ENPP2: variants seen among roughly 807,000 people sequenced by gnomAD.
ENPP2 encodes the protein ectonucleotide pyrophosphatase/phosphodiesterase 2.
A neutral mutation model predicts 120.2 loss-of-function variants in ENPP2; 51 were observed. The observed-to-expected ratio is 0.42, with a 90% CI of 0.34 to 0.54. The LOEUF (loss-of-function observed/expected upper bound fraction) is 0.54. Among genes scored for constraint, ENPP2 ranks in the 20% least tolerant of loss-of-function variants. ENPP2 has a pLI of 0.04. For missense variants in ENPP2, 920 were observed against 1,066.5 expected (o/e 0.86, Z 1.91); for synonymous variants, 365 against 366.4 (o/e 1.00, Z 0.04).
At chr8:119,615,995 T>C (rs76267134) in intron 8 of ENPP2, among the ~76,000 whole-genome samples, 6,744 of 152,034 alleles carry the variant, frequency 0.044, 222 homozygotes, top group East Asian at 0.11. Context: ...GTATATTCTA[T>C]GTGCACATAT....
At chr8:119,618,449 C>T in intron 5 of ENPP2, 1 of 417,922 alleles carries the variant, frequency 2.4e-6, no homozygotes, top group South Asian at 1.7e-5. Flanking sequence ...AACAAAAATT[C>T]TCTTGCCTTT....
chr8:119,657,698 G>A (rs910346530), intron 1 of ENPP2, among the ~76,000 whole-genome samples: 1 of 152,210 alleles, frequency 6.6e-6, no homozygotes, highest in African/African-American at 2.4e-5. Context: ...GGACAGACAT[G>A]TGTGCCTCTT....
chr8:119,599,257 G>C (rs1814114799), intron 11 of ENPP2, among the ~76,000 whole-genome samples: 2 of 152,144 alleles, frequency 1.3e-5, no homozygotes, highest in South Asian at 4.1e-4. Flanking sequence ...ACTAAGAGTG[G>C]TTTTACGTAG....
intron 9 of ENPP2, among the ~76,000 whole-genome samples, chr8:119,603,998 C>T (rs1780095115): frequency 6.9e-6 from 1 of 145,946 alleles, no homozygotes; most frequent in Admixed American, 6.9e-5. Flanking sequence ...GTGTTCTAAC[C>T]TCTCAATCTC....
exon 1 of ENPP2, chr8:119,673,275 T>A: frequency 6.5e-7 from 1 of 1,535,272 alleles, no homozygotes; most frequent in Non-Finnish European, 8.7e-7. Context: ...CGGGTCATGC[T>A]GCGGGAGTCT....
intron 1 of ENPP2, among the ~76,000 whole-genome samples, chr8:119,664,670 G>A (rs1413206131): frequency 1.3e-5 from 2 of 152,110 alleles, no homozygotes; most frequent in East Asian, 1.9e-4. Flanking sequence ...AGCTAGGCAC[G>A]GTGGCTCACA....
At chr8:119,643,182 G>T (rs1248428658), upstream of ENPP2, among the ~76,000 whole-genome samples, 1 of 152,072 alleles carries the variant, frequency 6.6e-6, no homozygotes, top group Non-Finnish European at 1.5e-5. Flanking sequence ...TTTAAGTTTT[G>T]CTGTGGTTGA....
chr8:119,608,204 A>C (rs1814855857), intron 8 of ENPP2, among the ~76,000 whole-genome samples: 1 of 152,226 alleles, frequency 6.6e-6, no homozygotes, highest in Non-Finnish European at 1.5e-5. Flanking sequence ...TCCTGCTATG[A>C]TTCTAGTGAC....
chr8:119,653,299 G>A (rs1283908240), intron 1 of ENPP2, among the ~76,000 whole-genome samples: 1 of 152,156 alleles, frequency 6.6e-6, no homozygotes, highest in African/African-American at 2.4e-5. Flanking sequence ...CAAGCATTGA[G>A]GATGCAGCCT....
chr8:119,574,497 T>C (rs1812199842), intron 19 of ENPP2, among the ~76,000 whole-genome samples: 2 of 151,934 alleles, frequency 1.3e-5, no homozygotes, highest in South Asian at 2.1e-4. Context: ...TCTCTGGCAG[T>C]TTTGGTACAT....
chr8:119,661,076 A>G (rs1587587755), intron 1 of ENPP2, among the ~76,000 whole-genome samples: 1 of 152,276 alleles, frequency 6.6e-6, no homozygotes, highest in East Asian at 1.9e-4. Flanking sequence ...ACAGAAAACC[A>G]AACACCGCAT....
chr8:119,649,854 C>A (rs1258723263), intron 1 of ENPP2, among the ~76,000 whole-genome samples: 2 of 152,146 alleles, frequency 1.3e-5, no homozygotes, highest in East Asian at 3.9e-4. Flanking sequence ...TGTGAGATAC[C>A]ACTTTACCCC....
At chr8:119,672,168 T>C (rs1818270391) in intron 1 of ENPP2, among the ~76,000 whole-genome samples, 1 of 152,088 alleles carries the variant, frequency 6.6e-6, no homozygotes, top group Admixed American at 6.5e-5. Context: ...TGCCACCCAC[T>C]CTTTCAAGGA....
chr8:119,570,947 A>C (rs1205486033), intron 19 of ENPP2, 106 bp from the exon 20 acceptor site: 3 of 611,564 alleles, frequency 4.9e-6, no homozygotes, highest in Admixed American at 3.8e-5. Flanking sequence ...TAGCTTACTT[A>C]TTATTAATAT....
intron 1 of ENPP2, among the ~76,000 whole-genome samples, chr8:119,646,011 C>T (rs1817436613): frequency 6.6e-6 from 1 of 151,532 alleles, no homozygotes; most frequent in South Asian, 2.1e-4. Flanking sequence ...TCTTGTTGCC[C>T]AGGCTGGAGC....
At chr8:119,568,115 G>A (rs969143402) in intron 22 of ENPP2, 60 bp downstream of exon 22, 3 of 892,490 alleles carry the variant, frequency 3.4e-6, no homozygotes, top group African/African-American at 1.7e-5. Context: ...AAGGTAAGGG[G>A]TAAATTTAGA....
chr8:119,600,713 A>C lies in ENPP2; in HGVS notation c.937T>G (p.Phe313Val). 6.2e-7 allele frequency: 1 copy of C among 1,613,318 alleles called. No homozygotes were observed. Among genetic ancestry groups the C allele is most frequent in the Non-Finnish European group, 8.5e-7 (1 of 1,179,286 alleles). Residue 313 changes from phenylalanine (F) to valine (V), a missense_variant, in exon 11 of 25, where the codon TTC (phenylalanine) becomes GTC (valine). Transcript: ENST00000075322. ...VYAFYSEQPD[F>V]SGHKYGPFGP... ...AAAGGGCCATATTTGTGTCCAGAGA[A>C]ATCAGGTTGCTCAGAATAGAAGGCA... is the stretch of plus-strand genomic sequence containing the variant.
intron 1 of ENPP2, among the ~76,000 whole-genome samples, chr8:119,658,134 A>T (rs1247363098): frequency 6.6e-6 from 1 of 152,228 alleles, no homozygotes; most frequent in South Asian, 2.1e-4. Context: ...AATATTGATT[A>T]TGTGTTTACT....
intron 8 of ENPP2, among the ~76,000 whole-genome samples, chr8:119,612,865 G>T (rs920023114): frequency 6.6e-6 from 1 of 152,106 alleles, no homozygotes; most frequent in African/African-American, 2.4e-5. Flanking sequence ...ACTCCAGCCT[G>T]GGCGACTATA....
Sources: gnomAD v4.1 joint callset for allele counts (sites outside exome capture counted in the v4.1 genomes callset) on GRCh38, gnomAD v4.1.1 for gene constraint, MANE v1.5 for transcripts, NCBI Gene and HGNC (gene_info 2026-07-23, HGNC 2026-07-21) for gene names.